The following CPPED1 variants were observed in gnomAD, a reference collection of about 807,000 sequenced individuals.
The protein encoded by CPPED1 is calcineurin like phosphoesterase domain containing 1.
A neutral mutation model predicts 28.0 loss-of-function variants in CPPED1; 28 were observed. The observed-to-expected ratio is 1.00, with a 90% confidence interval of 0.74 to 1.37. The LOEUF is 1.37. Ranked by LOEUF, CPPED1 falls within the 40% of genes most tolerant of loss-of-function variation. The pLI is 0.00. For missense variants in CPPED1, 504 were observed against 416.5 expected, an observed-to-expected ratio of 1.21 and a Z score of -1.83; for synonymous variants, 198 against 180.2, an observed-to-expected ratio of 1.10 and a Z score of -0.79.
intron 2 of CPPED1, among the ~76,000 whole-genome samples, chr16:12,728,460 T>C (rs1019394752): frequency 1.3e-5 from 2 of 151,834 alleles, no homozygotes; most frequent in East Asian, 3.9e-4. Context: ...AATCTTGAGA[T>C]CCCCCGAGAA....
chr16:12,702,451 T>C (rs2080025432), intron 3 of CPPED1, among the ~76,000 whole-genome samples: 1 of 152,020 alleles, frequency 6.6e-6, no homozygotes, highest in South Asian at 2.1e-4. Context: ...GGTGGGAAGA[T>C]TGTTTAAGCC....
intron 2 of CPPED1, among the ~76,000 whole-genome samples, chr16:12,733,054 T>G (rs1422022460): frequency 6.6e-6 from 1 of 152,170 alleles, no homozygotes; most frequent in Non-Finnish European, 1.5e-5. Context: ...ATTTTAAATT[T>G]ATTGACGGGA....
intron 1 of CPPED1, among the ~76,000 whole-genome samples, chr16:12,799,492 T>C (rs961611528): frequency 5.3e-5 from 8 of 152,160 alleles, no homozygotes; most frequent in Non-Finnish European, 1.0e-4. Flanking sequence ...GCAATCCACC[T>C]GCCTCGGCCT....
At chr16:12,748,008 C>T (rs993553939) in intron 2 of CPPED1, among the ~76,000 whole-genome samples, 3 of 152,152 alleles carry the variant, frequency 2.0e-5, no homozygotes, top group Non-Finnish European at 4.4e-5. Context: ...CTGAAAGTGT[C>T]GGTGAGGAAA....
At position 12,701,613 on chromosome 16, in the gene CPPED1, G is replaced by A. The variant is rs1035485610; in HGVS notation, c.715+3011C>T. Among the ~76,000 whole-genome samples the A allele has an allele frequency of 3.9e-5, 6 of 152,168 alleles. 1 individual carries two copies. The highest frequency in any genetic ancestry group is 1.4e-4 in the African/African-American group (6 of 41,452). On this transcript the variant is annotated intron_variant, in intron 3 of 3. Coordinates refer to ENST00000381774, the MANE Select transcript of CPPED1 (RefSeq NM_018340.3). ...AGGGGAAGGCAGATGTGACTGAGAA[G>A]GGCCCTGGACACTGCAGTGAAGAGC...
In CPPED1 at chr16:12,676,589, C is replaced by T. The variant is rs137887512; in HGVS notation, c.716-11474G>A. 1.4e-4 allele frequency among the ~76,000 whole-genome samples: 21 copies of T among 152,240 alleles called. No individual in the cohort carries two copies. The East Asian group carries it at 3.9e-3, about 28-fold the overall frequency. ...GATAAGGCCAATTCAGAAGCACAGG[C>T]TCTGTCCACCATCTGAGAGGTGCAA... On this transcript the variant is annotated intron_variant, in intron 3 of 3. Transcript: ENST00000381774.
intron 2 of CPPED1, among the ~76,000 whole-genome samples, chr16:12,738,251 C>G (rs941914867): frequency 4.0e-5 from 6 of 151,708 alleles, no homozygotes; most frequent in African/African-American, 1.5e-4. Context: ...TTGCAGCACA[C>G]AAAACCGCAA....
chr16:12,667,057 G>C (rs2141164276), intron 3 of CPPED1, among the ~76,000 whole-genome samples: 1 of 152,108 alleles, frequency 6.6e-6, no homozygotes, highest in East Asian at 1.9e-4. Context: ...TCCTGAACGG[G>C]GGTGGGGGTG....
chr16:12,757,093 C>T (rs1426269928), intron 2 of CPPED1, among the ~76,000 whole-genome samples: 2 of 152,066 alleles, frequency 1.3e-5, no homozygotes, highest in Non-Finnish European at 2.9e-5. Context: ...AGTTACAGCA[C>T]CTTGAGGGTG....
intron 2 of CPPED1, among the ~76,000 whole-genome samples, chr16:12,754,476 T>C (rs890551796): frequency 2.0e-5 from 3 of 152,188 alleles, no homozygotes; most frequent in Non-Finnish European, 4.4e-5. Flanking sequence ...TTTCTAAACC[T>C]GATGTCTACA....
At chr16:12,783,530 A>G (rs1391873746) in intron 1 of CPPED1, among the ~76,000 whole-genome samples, 5 of 151,930 alleles carry the variant, frequency 3.3e-5, no homozygotes, top group African/African-American at 1.2e-4. Context: ...AAATAAATAA[A>G]TAAATAAGAT....
At chr16:12,798,748 G>C (rs1489770343) in intron 1 of CPPED1, among the ~76,000 whole-genome samples, 2 of 152,124 alleles carry the variant, frequency 1.3e-5, no homozygotes, top group Non-Finnish European at 2.9e-5. Context: ...CTCCCTTTTA[G>C]GATTTCTTCA....
At chr16:12,773,405 A>C (rs1426201126) in intron 2 of CPPED1, among the ~76,000 whole-genome samples, 1 of 152,220 alleles carries the variant, frequency 6.6e-6, no homozygotes. Context: ...TTGCATACAC[A>C]CAAGATTACA....
intron 3 of CPPED1, among the ~76,000 whole-genome samples, chr16:12,683,217 A>C (rs9926080): frequency 0.22 from 34,019 of 152,090 alleles, 4,283 homozygotes; most frequent in African/African-American, 0.33. Flanking sequence ...AAAAATTCTG[A>C]TCAGGCGATG....
intron 1 of CPPED1, among the ~76,000 whole-genome samples, chr16:12,795,423 T>C (rs891552731): frequency 2.0e-5 from 3 of 152,068 alleles, no homozygotes; most frequent in African/African-American, 7.2e-5. Flanking sequence ...CACTGCAAAC[T>C]CCGCCTCCCA....
chr16:12,746,671 A>C (rs2080290645), intron 2 of CPPED1, among the ~76,000 whole-genome samples: 1 of 152,206 alleles, frequency 6.6e-6, no homozygotes, highest in Admixed American at 6.5e-5. Flanking sequence ...TTGTAAAAGA[A>C]AAAAAATCAC....
rs577146559 is a variant in CPPED1 at position 12,682,509 on chromosome 16, G to C, written c.716-17394C>G. On this transcript the variant is annotated intron_variant, in intron 3 of 3. Transcript: ENST00000381774. The surrounding 1 kb of genome is among the most constrained non-coding windows in gnomAD (Gnocchi z 6.1). ...AGCCTGGGGTGGGAGCTAGGGGTTG[G>C]GAGACTCAGGCGTGAACCTCAGTTC... Among the ~76,000 whole-genome samples, 1 of 152,274 alleles carries C rather than the reference G, an allele frequency of 6.6e-6. No individual in the cohort carries two copies. The highest frequency in any genetic ancestry group is 1.5e-5 in the Non-Finnish European group (1 of 68,014).
intron 1 of CPPED1, among the ~76,000 whole-genome samples, chr16:12,793,359 G>C (rs1567308266): frequency 6.6e-6 from 1 of 152,164 alleles, no homozygotes; most frequent in Non-Finnish European, 1.5e-5. Context: ...TCACCAGAAG[G>C]CTGGAGCGGG....
At chr16:12,795,234 T>A (rs1206349602) in intron 1 of CPPED1, among the ~76,000 whole-genome samples, 1 of 152,202 alleles carries the variant, frequency 6.6e-6, no homozygotes, top group East Asian at 1.9e-4. Context: ...AAGGTAACCC[T>A]TCCCCCGGGC....
Sources: allele counts gnomAD v4.1 joint callset (sites outside exome capture counted in the v4.1 genomes callset), GRCh38; gene constraint gnomAD v4.1.1; non-coding constraint Gnocchi (gnomAD v3.1); transcripts MANE v1.5; gene names NCBI Gene and HGNC (gene_info 2026-07-23, HGNC 2026-07-21).